Variants in SCHIP1 observed in about 807,000 individuals in gnomAD.
SCHIP1 encodes schwannomin interacting protein 1.
A neutral mutation model predicts 29.7 loss-of-function variants in SCHIP1; 8 were observed. That is an observed-to-expected ratio of 0.27 (90% CI 0.16 to 0.49). The LOEUF is 0.49. Among genes scored for constraint, SCHIP1 ranks in the 20% least tolerant of loss-of-function variants. The pLI is 0.99. For synonymous variants in SCHIP1, 76 were observed against 94.9 expected, an observed-to-expected ratio of 0.80 and a Z score of 1.16; for missense variants, 193 against 294.6, an observed-to-expected ratio of 0.66 and a Z score of 2.52.
chr3:159,893,154 T>A (rs979615997), intron 6 of SCHIP1: 3 of 152,240 alleles, frequency 2.0e-5, no homozygotes, highest in Non-Finnish European at 4.4e-5. Context: ...TGTCTAATGC[T>A]GCAATGATAT....
the SCHIP1 span, among the ~76,000 whole-genome samples, chr3:159,362,842 C>G: frequency 6.3e-4 from 96 of 152,318 alleles, no homozygotes; most frequent in Non-Finnish European, 1.1e-3. Flanking sequence ...AGACTGGTCA[C>G]TTTAAGAAAA....
At chr3:159,632,290 A>G in the SCHIP1 span, among the ~76,000 whole-genome samples, 7 of 152,212 alleles carry the variant, frequency 4.6e-5, no homozygotes, top group Non-Finnish European at 1.0e-4. Flanking sequence ...AGACGTCTAC[A>G]GGCGCCAACT....
chr3:159,432,685 T>G, the SCHIP1 span, among the ~76,000 whole-genome samples: 2 of 152,294 alleles, frequency 1.3e-5, no homozygotes, highest in Admixed American at 1.3e-4. Flanking sequence ...AATAATGAAG[T>G]GTATATATAG....
the SCHIP1 span, among the ~76,000 whole-genome samples, chr3:159,666,968 T>C: frequency 6.6e-6 from 1 of 152,212 alleles, no homozygotes; most frequent in Non-Finnish European, 1.5e-5. Context: ...TGGCTTCAGT[T>C]TTCTGGCCTG....
At chr3:159,768,649 A>G in the SCHIP1 span, 1 of 152,350 alleles carries the variant, frequency 6.6e-6, no homozygotes, top group Non-Finnish European at 1.5e-5. Flanking sequence ...GGATGCTGTC[A>G]GGAACTATCT....
the SCHIP1 span, among the ~76,000 whole-genome samples, chr3:159,506,528 G>T: frequency 2.6e-5 from 4 of 152,108 alleles, no homozygotes; most frequent in African/African-American, 7.2e-5. Flanking sequence ...GTTTTAGACA[G>T]GAAGTCCTTG....
At chr3:159,727,936 GGTTT>G in the SCHIP1 span, among the ~76,000 whole-genome samples, 8 of 145,180 alleles carry the variant, frequency 5.5e-5, no homozygotes, top group South Asian at 1.5e-3. Flanking sequence ...TTTTTTTTTT[GGTTT>G]GTTTGTTTGT....
At chr3:159,428,039 T>A in the SCHIP1 span, among the ~76,000 whole-genome samples, 201 of 152,282 alleles carry the variant, frequency 1.3e-3, no homozygotes, top group Non-Finnish European at 2.3e-3. Flanking sequence ...TATTCAAAAA[T>A]TAATTCAAGA....
At chr3:159,343,713 A>C in the SCHIP1 span, among the ~76,000 whole-genome samples, 1 of 152,240 alleles carries the variant, frequency 6.6e-6, no homozygotes, top group African/African-American at 2.4e-5. Context: ...GAGAATGAAG[A>C]AAGTATTTCT....
the SCHIP1 span, among the ~76,000 whole-genome samples, chr3:159,407,716 T>C: frequency 6.6e-6 from 1 of 152,008 alleles, no homozygotes; most frequent in Non-Finnish European, 1.5e-5. Context: ...AAACTGGAAA[T>C]AAATAACAAG....
the SCHIP1 span, among the ~76,000 whole-genome samples, chr3:159,372,001 T>C: frequency 6.6e-6 from 1 of 152,196 alleles, no homozygotes; most frequent in African/African-American, 2.4e-5. Context: ...TCACAAGATA[T>C]TCCATGATGC....
At chr3:159,568,634 T>A in the SCHIP1 span, among the ~76,000 whole-genome samples, 1 of 152,148 alleles carries the variant, frequency 6.6e-6, no homozygotes, top group Non-Finnish European at 1.5e-5. Context: ...AACAATTTTC[T>A]TTTCAATATT....
the SCHIP1 span, among the ~76,000 whole-genome samples, chr3:159,613,692 A>T: frequency 6.6e-6 from 1 of 152,212 alleles, no homozygotes; most frequent in Non-Finnish European, 1.5e-5. Flanking sequence ...AACAAGATCT[A>T]CTATGAAAGG....
the SCHIP1 span, among the ~76,000 whole-genome samples, chr3:159,474,697 G>C: frequency 0.14 from 21,157 of 151,968 alleles, 1,544 homozygotes; most frequent in Middle Eastern, 0.16. Flanking sequence ...AGGTGGGAAG[G>C]GAGCTTAAAG....
chr3:159,508,223 A>G, the SCHIP1 span, among the ~76,000 whole-genome samples: 2 of 152,104 alleles, frequency 1.3e-5, no homozygotes, highest in Non-Finnish European at 2.9e-5. Flanking sequence ...GAATTTATCC[A>G]TTTCCTCTAG....
chr3:159,892,814 C>T (rs1342461680), intron 6 of SCHIP1: 1 of 152,612 alleles, frequency 6.6e-6, no homozygotes, highest in Non-Finnish European at 1.5e-5. Flanking sequence ...TTGTAGATTT[C>T]CTTGCAGGAA....
chr3:159,500,606 C>T, the SCHIP1 span, among the ~76,000 whole-genome samples: 2 of 151,436 alleles, frequency 1.3e-5, no homozygotes, highest in East Asian at 1.9e-4. Flanking sequence ...CCCAGCTACT[C>T]GGGAGGCTGA....
chr3:159,790,465 A>G, the SCHIP1 span, among the ~76,000 whole-genome samples: 1 of 152,194 alleles, frequency 6.6e-6, no homozygotes, highest in Non-Finnish European at 1.5e-5. Flanking sequence ...CGGGCGGATC[A>G]CTTGAGGTCA....
At chr3:159,809,150 G>A in the SCHIP1 span, among the ~76,000 whole-genome samples, 80 of 46,474 alleles carry the variant, frequency 1.7e-3, no homozygotes, top group African/African-American at 5.1e-3. Context: ...CCAACCCCCC[G>A]CAACAGGCCC....
Sources: gnomAD v4.1 joint callset for allele counts (sites outside exome capture counted in the v4.1 genomes callset) on GRCh38, gnomAD v4.1.1 for gene constraint, MANE v1.5 for transcripts, NCBI Gene and HGNC (gene_info 2026-07-23, HGNC 2026-07-21) for gene names.